TTC13: variants seen among roughly 807,000 people sequenced by gnomAD.
TTC13 encodes the protein tetratricopeptide repeat domain 13, also known as tetratricopeptide repeat protein 13.
TTC13 carries 62 observed loss-of-function variants against 120.0 expected under a neutral mutation model. That is an observed-to-expected ratio of 0.52 (90% CI 0.42 to 0.64). The LOEUF is 0.64. Among genes scored for constraint, TTC13 ranks in the 30% least tolerant of loss-of-function variants. The pLI, the probability that TTC13 is intolerant of heterozygous loss-of-function variation, is 0.00. For missense variants in TTC13, 824 were observed against 1,050.2 expected (o/e 0.78, Z 2.98); for synonymous variants, 384 against 393.5 (o/e 0.98, Z 0.28).
chr1:230,975,467 G>A (rs905594975), intron 1 of TTC13, among the ~76,000 whole-genome samples: 1 of 152,000 alleles, frequency 6.6e-6, no homozygotes, highest in Non-Finnish European at 1.5e-5. Context: ...AAAAAAGTGA[G>A]GAAAGAATTG....
At chr1:230,925,465 C>T in intron 13 of TTC13, 52 bp downstream of exon 13, 1 of 1,601,558 alleles carries the variant, frequency 6.2e-7, no homozygotes, top group Non-Finnish European at 8.5e-7. Context: ...GGCTTAACCA[C>T]CCTTCCTCTT....
chr1:230,928,384 G>T (rs1377720726), intron 12 of TTC13, among the ~76,000 whole-genome samples: 1 of 152,130 alleles, frequency 6.6e-6, no homozygotes, highest in Non-Finnish European at 1.5e-5. Context: ...TACTATAAAT[G>T]ATATTTTTGT....
chr1:230,948,635 G>A (rs1468838149), intron 4 of TTC13, among the ~76,000 whole-genome samples: 1 of 151,952 alleles, frequency 6.6e-6, no homozygotes, highest in Non-Finnish European at 1.5e-5. Context: ...CTATAGGAGT[G>A]CACGATCACA....
intron 1 of TTC13, among the ~76,000 whole-genome samples, chr1:230,972,145 A>G (rs902391173): frequency 2.0e-5 from 3 of 152,244 alleles, no homozygotes; most frequent in African/African-American, 7.2e-5. Context: ...AGTCTATGGA[A>G]AGAATGCCAG....
chr1:230,966,271 C>T (rs1467692681), intron 1 of TTC13, among the ~76,000 whole-genome samples: 4 of 152,004 alleles, frequency 2.6e-5, no homozygotes, highest in Non-Finnish European at 5.9e-5. Flanking sequence ...CCAAAACTTT[C>T]TTGGCTATTT....
Position 230,912,623 on chromosome 1 carries a change from C to T in TTC13, c.2229G>A (p.Gly743=). 1.2e-6 allele frequency: 2 copies of T among 1,609,170 alleles called. No individual in the cohort carries two copies. Among genetic ancestry groups the T allele is most frequent in the Non-Finnish European group, 1.7e-6 (2 of 1,179,022 alleles). Residue 743 remains glycine (G), a splice_region_variant and synonymous_variant, in exon 19 of 23, where the codon GGG becomes GGA. Coordinates refer to ENST00000366661, the MANE Select transcript of TTC13 (RefSeq NM_024525.5). Reference sequence around the variant, plus strand: ...AAAATGGAAACAAAGAGAAACCTACCCCAAATTCTGATGAAAGAATCAATA... The same window carrying T: ...AAAATGGAAACAAAGAGAAACCTACTCCAAATTCTGATGAAAGAATCAATA... ...GKVLILSSEF[G]EADAVCNLIL...
In TTC13 at chr1:230,931,338, C is replaced by T. The variant is rs1232294693; in HGVS notation, c.1260G>A (p.Gln420=). 1.2e-6 allele frequency: 2 copies of T among 1,614,182 alleles called. No homozygotes were observed. The highest frequency in any genetic ancestry group is 1.7e-6 in the Non-Finnish European group (2 of 1,180,046). ...KVMLNDPLPG[Q]KASPEYLKVK... The stretch of plus-strand genomic sequence containing the variant: ...CTTTAAGATACTCAGGGCTAGCCTT[C>T]TGGCCTGGGAGAGGATCATTCAGCA... Residue 420 remains glutamine, a synonymous_variant, in exon 11 of 23, where the codon CAG becomes CAA. Coordinates refer to ENST00000366661, the MANE Select transcript of TTC13 (RefSeq NM_024525.5).
chr1:230,945,179 T>C (rs1420071214), intron 5 of TTC13, among the ~76,000 whole-genome samples: 6 of 152,162 alleles, frequency 3.9e-5, no homozygotes, highest in Non-Finnish European at 1.5e-5. Context: ...TTTCTTAGTC[T>C]ATCCAGTTCA....
At chr1:230,936,187 G>A in intron 8 of TTC13, 1 of 456,222 alleles carries the variant, frequency 2.2e-6, no homozygotes. Flanking sequence ...GTTCTTCAAA[G>A]TCTGATTTCT....
intron 17 of TTC13, among the ~76,000 whole-genome samples, chr1:230,918,634 T>A (rs1672271577): frequency 6.6e-6 from 1 of 152,190 alleles, no homozygotes; most frequent in Non-Finnish European, 1.5e-5. Context: ...GGCACTGTGT[T>A]AGTGCATCAG....
At chr1:230,943,755 G>T in intron 6 of TTC13, 51 bp downstream of exon 6, 1 of 1,433,110 alleles carries the variant, frequency 7.0e-7, no homozygotes, top group South Asian at 1.3e-5. Flanking sequence ...GAAAAAAATT[G>T]AGATTCAACT....
At chr1:230,969,245 A>G (rs1379401884) in intron 1 of TTC13, among the ~76,000 whole-genome samples, 2 of 148,242 alleles carry the variant, frequency 1.3e-5, no homozygotes, top group African/African-American at 5.0e-5. Context: ...CTGGGTGACA[A>G]AGCGACACTC....
At chr1:230,920,303 T>A in intron 17 of TTC13, 1 of 376,256 alleles carries the variant, frequency 2.7e-6, no homozygotes, top group Non-Finnish European at 4.8e-6. Context: ...TTAAGTTTTC[T>A]TTTTTCTATA....
chr1:230,969,367 T>C (rs1295308963), intron 1 of TTC13, among the ~76,000 whole-genome samples: 2 of 152,186 alleles, frequency 1.3e-5, no homozygotes, highest in African/African-American at 4.8e-5. Context: ...AGTGGGAGAA[T>C]CAACTTAGCA....
At chr1:230,945,921 C>T (rs558515256) in intron 4 of TTC13, among the ~76,000 whole-genome samples, 4 of 152,268 alleles carry the variant, frequency 2.6e-5, no homozygotes, top group South Asian at 2.1e-4. Context: ...AACACAATGA[C>T]GAACTAGAAA....
At chr1:230,943,542 G>A (rs1208495264) in intron 6 of TTC13, among the ~76,000 whole-genome samples, 1 of 151,926 alleles carries the variant, frequency 6.6e-6, no homozygotes, top group Non-Finnish European at 1.5e-5. Flanking sequence ...ATCTATAGAA[G>A]TAGTACACGT....
chr1:230,946,622 A>G (rs567848767), intron 4 of TTC13, among the ~76,000 whole-genome samples: 1 of 152,310 alleles, frequency 6.6e-6, no homozygotes, highest in East Asian at 1.9e-4. Context: ...TTAGAACATC[A>G]AAAGATCCAA....
At position 230,954,411 on chromosome 1, in the gene TTC13, A is replaced by C. The variant is rs1292482303; in HGVS notation, c.443-8T>G. ...TCAAGACATAAGCAATAGCTATGAA[A>C]CAAAATACAAAAATATTAAAGGAAA... On this transcript the variant is annotated splice_polypyrimidine_tract_variant and splice_region_variant and intron_variant, in intron 3 of 22. Transcript: ENST00000366661. 6.3e-7 allele frequency: 1 copy of C among 1,597,756 alleles called. No homozygotes were observed. The highest frequency in any genetic ancestry group is 1.3e-5 in the African/African-American group (1 of 74,650).
At chr1:230,912,545 A>G in intron 19 of TTC13, 78 bp downstream of exon 19, 1 of 1,471,742 alleles carries the variant, frequency 6.8e-7, no homozygotes, top group Non-Finnish European at 9.3e-7. Flanking sequence ...GTACAATCTC[A>G]GTGAAAGGGC....
Sources: allele counts gnomAD v4.1 joint callset (sites outside exome capture counted in the v4.1 genomes callset), GRCh38; gene constraint gnomAD v4.1.1; transcripts MANE v1.5; gene names NCBI Gene and HGNC (gene_info 2026-07-23, HGNC 2026-07-21).